Variants in ASTN2 observed in about 807,000 individuals in gnomAD.
The protein encoded by ASTN2 is astrotactin-2.
In ASTN2, 54 loss-of-function variants were observed where a neutral mutation model predicts 139.8. That is an observed-to-expected ratio of 0.39 (90% CI 0.31 to 0.48). ASTN2 has a LOEUF of 0.48. ASTN2 is among the 20% of genes least tolerant of loss of function. ASTN2 has a pLI of 0.95. For synonymous variants in ASTN2, 756 were observed against 719.5 expected (o/e 1.05, Z -0.81); for missense variants, 1,565 against 1,725.1 (o/e 0.91, Z 1.64).
At chr9:117,237,391 G>T (rs908831325) in intron 2 of ASTN2, among the ~76,000 whole-genome samples, 2 of 152,110 alleles carry the variant, frequency 1.3e-5, no homozygotes, top group Admixed American at 6.5e-5. Context: ...ACAGAGCCCA[G>T]TTAGTACTGT....
intron 10 of ASTN2, among the ~76,000 whole-genome samples, chr9:116,934,536 T>G (rs1835009307): frequency 6.9e-6 from 1 of 144,348 alleles, no homozygotes; most frequent in Admixed American, 7.0e-5. Flanking sequence ...ATACAGCATG[T>G]TCTCACTTAC....
At chr9:116,489,153 AC>A (rs1476540929) in intron 19 of ASTN2, among the ~76,000 whole-genome samples, 2 of 152,290 alleles carry the variant, frequency 1.3e-5, no homozygotes, top group East Asian at 3.9e-4. Context: ...TAAGAACAAG[AC>A]AATGTCATGA....
At chr9:117,239,832 C>T (rs1833154205) in intron 2 of ASTN2, among the ~76,000 whole-genome samples, 1 of 152,134 alleles carries the variant, frequency 6.6e-6, no homozygotes, top group Admixed American at 6.5e-5. Flanking sequence ...GATAGGTGGT[C>T]CTTTCTCTAA....
rs550066430 is a variant in ASTN2, at chr9:116,532,290, A to G, written c.3356-44790T>C. On this transcript the variant is annotated intron_variant, in intron 19 of 22. Transcript: ENST00000313400. ...TTTGTCAGATGAGTAGATTGCAAAA[A>G]TTTTCTCCCATTCTGTAGGTTGCTT... Among the ~76,000 whole-genome samples the G allele has an allele frequency of 6.6e-5, 10 of 152,004 alleles. No homozygotes were observed. In the South Asian group the frequency reaches 2.1e-3, roughly 32 times the overall value.
At chr9:117,328,258 A>T (rs1023575848) in intron 1 of ASTN2, among the ~76,000 whole-genome samples, 1 of 152,180 alleles carries the variant, frequency 6.6e-6, no homozygotes, top group Non-Finnish European at 1.5e-5. Flanking sequence ...GGTTGCACGC[A>T]TACACACTAA....
At chr9:117,259,751 T>C (rs1271920015) in intron 2 of ASTN2, among the ~76,000 whole-genome samples, 2 of 152,150 alleles carry the variant, frequency 1.3e-5, no homozygotes, top group African/African-American at 4.8e-5. Context: ...CTCCCTAAAA[T>C]GTATAAAAGC....
intron 19 of ASTN2, among the ~76,000 whole-genome samples, chr9:116,606,441 A>AAG (rs141352618): frequency 1.3e-5 from 2 of 151,424 alleles, no homozygotes; most frequent in Non-Finnish European, 3.0e-5. Flanking sequence ...ACATGGGAGA[A>AAG]AGAGAGAGAG....
intron 19 of ASTN2, among the ~76,000 whole-genome samples, chr9:116,497,265 TAAG>T (rs1446828067): frequency 3.9e-5 from 6 of 152,202 alleles, no homozygotes; most frequent in African/African-American, 1.4e-4. Context: ...TCTCTGCCTT[TAAG>T]GAGTTTGTAA....
intron 2 of ASTN2, 51 bp downstream of exon 2, chr9:117,291,275 A>G (rs1192030491): frequency 1.3e-6 from 2 of 1,565,160 alleles, no homozygotes; most frequent in South Asian, 2.3e-5. Context: ...CTCTCCACCC[A>G]TTCCTCCCCC....
At chr9:116,670,397 C>T (rs892518423) in intron 16 of ASTN2, among the ~76,000 whole-genome samples, 6 of 152,140 alleles carry the variant, frequency 3.9e-5, no homozygotes, top group Non-Finnish European at 7.4e-5. Flanking sequence ...GTGGCTGGGC[C>T]AGGGGATCAC....
At chr9:117,076,411 G>C (rs553512987) in intron 5 of ASTN2, among the ~76,000 whole-genome samples, 2 of 152,000 alleles carry the variant, frequency 1.3e-5, no homozygotes, top group African/African-American at 2.4e-5. Flanking sequence ...AGAAAAAGAG[G>C]GGGGGATAGA....
chr9:117,338,995 G>A (rs1045536082), intron 1 of ASTN2, among the ~76,000 whole-genome samples: 4 of 152,088 alleles, frequency 2.6e-5, no homozygotes, highest in African/African-American at 4.8e-5. Context: ...ACACTAGGAT[G>A]TAGACTGACT....
intron 10 of ASTN2, among the ~76,000 whole-genome samples, chr9:116,966,860 A>G (rs1836025487): frequency 6.6e-6 from 1 of 152,150 alleles, no homozygotes; most frequent in Non-Finnish European, 1.5e-5. Flanking sequence ...AATAGACCAA[A>G]TGCTCAACAA....
chr9:116,435,702 T>C (rs913078149), intron 22 of ASTN2, among the ~76,000 whole-genome samples: 1 of 152,240 alleles, frequency 6.6e-6, no homozygotes, highest in Non-Finnish European at 1.5e-5. Flanking sequence ...AAACATTCTT[T>C]CTTTTACAAG....
chr9:116,516,751 A>G (rs1020967430), intron 19 of ASTN2, among the ~76,000 whole-genome samples: 4 of 152,210 alleles, frequency 2.6e-5, no homozygotes, highest in African/African-American at 4.8e-5. Context: ...CTTCCTGGAA[A>G]TAGGCTTGGT....
At chr9:116,456,105 T>C (rs1300671647) in intron 20 of ASTN2, among the ~76,000 whole-genome samples, 2 of 152,096 alleles carry the variant, frequency 1.3e-5, no homozygotes, top group African/African-American at 4.8e-5. Context: ...TATGATCTTA[T>C]ATTTGAAGAC....
intron 3 of ASTN2, among the ~76,000 whole-genome samples, chr9:117,179,609 GC>G (rs1200165166): frequency 1.3e-5 from 2 of 151,980 alleles, no homozygotes; most frequent in Non-Finnish European, 2.9e-5. Context: ...CCTCTTCCTT[GC>G]CCCCATCTCT....
intron 19 of ASTN2, among the ~76,000 whole-genome samples, chr9:116,545,045 C>T (rs1281734067): frequency 6.6e-6 from 1 of 152,180 alleles, no homozygotes; most frequent in Non-Finnish European, 1.5e-5. Context: ...AGCCTTGGGA[C>T]AGTTCCTTCC....
At position 116,706,718 on chromosome 9, in the gene ASTN2, C is replaced by G. The variant is rs934108303; in HGVS notation, c.2806+19053G>C. On this transcript the variant is annotated intron_variant, in intron 16 of 22. Coordinates refer to ENST00000313400, the MANE Select transcript of ASTN2 (RefSeq NM_001365068.1). The stretch of plus-strand genomic sequence containing the variant: ...AGATGACCACTACCACTGCAGGGCT[C>G]TCCTCTTGCTTTAGTTTGCTAACTG... 9.3e-5 allele frequency among the ~76,000 whole-genome samples: 14 copies of G among 150,654 alleles called. No individual in the cohort carries two copies. The South Asian group carries it at 2.9e-3, about 32-fold the overall frequency.
Sources: allele counts gnomAD v4.1 joint callset (sites outside exome capture counted in the v4.1 genomes callset), GRCh38; gene constraint gnomAD v4.1.1; transcripts MANE v1.5; gene names NCBI Gene and HGNC (gene_info 2026-07-23, HGNC 2026-07-21).